Variants in ARHGEF26 observed in about 807,000 individuals in gnomAD.
ARHGEF26 encodes the protein Rho guanine nucleotide exchange factor (GEF) 26.
ARHGEF26 carries 59 observed loss-of-function variants against 89.4 expected under a neutral mutation model. The observed-to-expected ratio is 0.66, with a 90% CI of 0.54 to 0.82. The LOEUF is 0.82. ARHGEF26 is among the 40% of genes least tolerant of loss of function. The pLI is 0.00. For missense variants in ARHGEF26, 1,234 were observed against 1,085.6 expected (o/e 1.14, Z -1.92); for synonymous variants, 500 against 428.4 (o/e 1.17, Z -2.06).
At chr3:154,139,554 A>G (rs1719231239) in intron 4 of ARHGEF26, among the ~76,000 whole-genome samples, 1 of 152,162 alleles carries the variant, frequency 6.6e-6, no homozygotes, top group African/African-American at 2.4e-5. Context: ...TTGCAGATTC[A>G]TCTATGGGAT....
intron 3 of ARHGEF26, among the ~76,000 whole-genome samples, chr3:154,127,036 C>T (rs924699939): frequency 2.6e-5 from 4 of 152,104 alleles, no homozygotes; most frequent in African/African-American, 9.7e-5. Context: ...AAAAATGGTA[C>T]TCTTCTATAG....
chr3:154,169,585 G>A (rs1712285164), intron 6 of ARHGEF26, among the ~76,000 whole-genome samples: 1 of 152,126 alleles, frequency 6.6e-6, no homozygotes, highest in Admixed American at 6.6e-5. Context: ...AGAAGGCTGT[G>A]GTGTCTTACA....
chr3:154,242,325 C>G (rs1717521816), intron 12 of ARHGEF26, among the ~76,000 whole-genome samples: 1 of 152,122 alleles, frequency 6.6e-6, no homozygotes, highest in African/African-American at 2.4e-5. Flanking sequence ...GGGAGGAGAT[C>G]AACATATCAA....
At chr3:154,213,499 C>T (rs750550699) in intron 9 of ARHGEF26, among the ~76,000 whole-genome samples, 1 of 152,132 alleles carries the variant, frequency 6.6e-6, no homozygotes, top group Non-Finnish European at 1.5e-5. Flanking sequence ...TTTGGTCTGA[C>T]TTCTGAAGCA....
At chr3:154,188,664 G>A (rs1171966537) in intron 7 of ARHGEF26, among the ~76,000 whole-genome samples, 3 of 152,072 alleles carry the variant, frequency 2.0e-5, no homozygotes, top group South Asian at 2.1e-4. Flanking sequence ...TTATGACCAC[G>A]GCATGGAGCT....
chr3:154,132,157 G>T (rs1718715433), intron 4 of ARHGEF26, among the ~76,000 whole-genome samples: 1 of 151,980 alleles, frequency 6.6e-6, no homozygotes, highest in Non-Finnish European at 1.5e-5. Context: ...TGCCTTTTGT[G>T]TCTTCTTTTC....
At chr3:154,228,474 T>C (rs1021769976) in intron 11 of ARHGEF26, among the ~76,000 whole-genome samples, 5 of 151,836 alleles carry the variant, frequency 3.3e-5, no homozygotes. Flanking sequence ...TCTTTTTCTT[T>C]TTTTTAAGAG....
chr3:154,247,075 T>C (rs371187420), intron 12 of ARHGEF26, among the ~76,000 whole-genome samples: 127 of 152,310 alleles, frequency 8.3e-4, no homozygotes, highest in African/African-American at 2.8e-3. Flanking sequence ...TTACCTCTAG[T>C]ATCATTTAGT....
rs148957633 is a variant in ARHGEF26, at chr3:154,223,125, A to G, written c.1936-2731A>G. On this transcript the variant is annotated intron_variant, in intron 10 of 14. Coordinates refer to ENST00000465093, the MANE Select transcript of ARHGEF26 (RefSeq NM_015595.4). Reference sequence around the variant, plus strand: ...AAAGTTTGACCTTATGAATAAGCACATGGAGAAGTTGAGGTTTCTCAGGCT... The same window carrying G: ...AAAGTTTGACCTTATGAATAAGCACGTGGAGAAGTTGAGGTTTCTCAGGCT... Among the ~76,000 whole-genome samples the G allele has an allele frequency of 1.5e-3, 224 of 152,280 alleles. 5 individuals carry two copies. In the East Asian group the frequency reaches 0.035, roughly 23 times the overall value.
chr3:154,155,333 A>G (rs1252867829), intron 6 of ARHGEF26, among the ~76,000 whole-genome samples: 1 of 152,134 alleles, frequency 6.6e-6, no homozygotes, highest in East Asian at 1.9e-4. Flanking sequence ...GAGGTTTTCT[A>G]ATGCTCGCTG....
intron 10 of ARHGEF26, among the ~76,000 whole-genome samples, chr3:154,224,828 A>G (rs768634721): frequency 2.0e-5 from 3 of 152,120 alleles, no homozygotes; most frequent in Non-Finnish European, 2.9e-5. Context: ...CTTCTTATAA[A>G]AGCTCTTTAT....
intron 3 of ARHGEF26, among the ~76,000 whole-genome samples, chr3:154,125,279 A>G (rs1209769510): frequency 3.9e-5 from 6 of 152,256 alleles, no homozygotes; most frequent in African/African-American, 1.2e-4. Flanking sequence ...GTGATTGTCA[A>G]GTAATTCCCT....
At chr3:154,210,101 T>A (rs1715272630) in intron 9 of ARHGEF26, among the ~76,000 whole-genome samples, 2 of 152,144 alleles carry the variant, frequency 1.3e-5, no homozygotes, top group South Asian at 4.1e-4. Flanking sequence ...TTAAGTCAGC[T>A]TGTGGTGAAT....
chr3:154,208,850 C>T (rs1373084981), intron 9 of ARHGEF26, among the ~76,000 whole-genome samples: 1 of 150,056 alleles, frequency 6.7e-6, no homozygotes, highest in Non-Finnish European at 1.5e-5. Context: ...ACTGCAACCT[C>T]CGCCTACCGG....
chr3:154,129,747 T>C, intron 4 of ARHGEF26, 28 bp downstream of exon 4: 1 of 1,581,524 alleles, frequency 6.3e-7, no homozygotes, highest in Non-Finnish European at 8.6e-7. Flanking sequence ...TTTCTATCTG[T>C]GGTAGGAAAA....
intron 6 of ARHGEF26, among the ~76,000 whole-genome samples, chr3:154,176,364 T>C (rs951535026): frequency 6.6e-6 from 1 of 152,154 alleles, no homozygotes; most frequent in Admixed American, 6.5e-5. Flanking sequence ...AGATAAACTT[T>C]TTTTTGGTAG....
chr3:154,184,622 A>T (rs182444467), intron 6 of ARHGEF26, among the ~76,000 whole-genome samples: 168 of 152,190 alleles, frequency 1.1e-3, no homozygotes, highest in African/African-American at 3.9e-3. Flanking sequence ...GAGTCTATTA[A>T]TTTTATCTCC....
chr3:154,160,757 A>G (rs759673240), intron 6 of ARHGEF26, among the ~76,000 whole-genome samples: 4 of 152,162 alleles, frequency 2.6e-5, no homozygotes, highest in Non-Finnish European at 5.9e-5. Context: ...ATAGAAAAAG[A>G]CCTATAAGTA....
chr3:154,189,785 G>A (rs1373253389), intron 7 of ARHGEF26, among the ~76,000 whole-genome samples: 2 of 151,864 alleles, frequency 1.3e-5, no homozygotes, highest in Non-Finnish European at 2.9e-5. Context: ...GTGAGGGAGG[G>A]GACTGGGACC....
Sources: gnomAD v4.1 joint callset for allele counts (sites outside exome capture counted in the v4.1 genomes callset) on GRCh38, gnomAD v4.1.1 for gene constraint, MANE v1.5 for transcripts, NCBI Gene and HGNC (gene_info 2026-07-23, HGNC 2026-07-21) for gene names.